Variants in MECOM observed in about 807,000 individuals in gnomAD.
The protein encoded by MECOM is MDS1 and EVI1 complex locus.
Under a neutral mutation model 116.3 loss-of-function variants are expected in MECOM, and 13 were observed. The ratio of observed to expected loss-of-function variants is 0.11; its 90% CI spans 0.07 to 0.18. The LOEUF (loss-of-function observed/expected upper bound fraction) is 0.18, where lower values mean the gene tolerates loss of function less well. Ranked by LOEUF, MECOM falls within the 10% of genes least tolerant of loss-of-function variation. MECOM has a pLI of 1.00. For missense variants in MECOM, 1,299 were observed against 1,509.0 expected, an observed-to-expected ratio of 0.86 and a Z score of 2.31; for synonymous variants, 528 against 535.2, an observed-to-expected ratio of 0.99 and a Z score of 0.19.
chr3:169,284,550 C>CT (rs1033057870), intron 2 of MECOM, among the ~76,000 whole-genome samples: 2 of 151,708 alleles, frequency 1.3e-5, no homozygotes, highest in African/African-American at 4.8e-5. Flanking sequence ...TGCTGACATC[C>CT]TTTTTTTAAA....
intron 10 of MECOM, among the ~76,000 whole-genome samples, chr3:169,103,874 C>T (rs1236540849): frequency 6.6e-6 from 1 of 152,116 alleles, no homozygotes. Context: ...CTAGTTAGTT[C>T]TCTTTTTTCC....
chr3:169,472,447 A>G (rs560511739), intron 1 of MECOM, among the ~76,000 whole-genome samples: 6 of 142,168 alleles, frequency 4.2e-5, no homozygotes, highest in African/African-American at 1.6e-4. Context: ...GAGGAGAGAA[A>G]AGGAAAGGAA....
chr3:169,281,394 G>A (rs1455930907), intron 2 of MECOM, among the ~76,000 whole-genome samples: 3 of 152,172 alleles, frequency 2.0e-5, no homozygotes, highest in Admixed American at 2.0e-4. Flanking sequence ...GTGAGACTGT[G>A]ATAAATTGTG....
chr3:169,267,576 T>G (rs1007895834), intron 2 of MECOM, among the ~76,000 whole-genome samples: 1 of 152,096 alleles, frequency 6.6e-6, no homozygotes, highest in East Asian at 1.9e-4. Context: ...ACCTCACCCC[T>G]GGGATGGAAC....
At chr3:169,594,013 C>G (rs985540981) in intron 1 of MECOM, among the ~76,000 whole-genome samples, 2 of 151,782 alleles carry the variant, frequency 1.3e-5, no homozygotes, top group African/African-American at 2.4e-5. Flanking sequence ...CCCAGCTACT[C>G]AGGAGGCTGA....
intron 1 of MECOM, among the ~76,000 whole-genome samples, chr3:169,539,779 T>C (rs754862633): frequency 9.2e-5 from 14 of 151,486 alleles, no homozygotes; most frequent in Non-Finnish European, 2.1e-4. Flanking sequence ...CTCCTCAGGG[T>C]CCTCATAATA....
intron 2 of MECOM, among the ~76,000 whole-genome samples, chr3:169,235,874 A>C (rs1329275584): frequency 6.6e-6 from 1 of 152,060 alleles, no homozygotes; most frequent in Non-Finnish European, 1.5e-5. Flanking sequence ...TTGCTTAAAA[A>C]AAAAAAAAAA....
chr3:169,539,725 G>T (rs900353486), intron 1 of MECOM, among the ~76,000 whole-genome samples: 1 of 152,046 alleles, frequency 6.6e-6, no homozygotes, highest in African/African-American at 2.4e-5. Flanking sequence ...TTTTAAAAAC[G>T]TATATCAGAC....
intron 1 of MECOM, among the ~76,000 whole-genome samples, chr3:169,662,246 G>A (rs1356514576): frequency 6.6e-6 from 1 of 152,222 alleles, no homozygotes; most frequent in Admixed American, 6.5e-5. Context: ...CAGGCAGGGG[G>A]CGCCGGGGAG....
rs80022520 is a variant in MECOM, at chr3:169,505,578, C to T, written c.38-124054G>A. Among the ~76,000 whole-genome samples the T allele has an allele frequency of 6.3e-3, 962 of 152,152 alleles. 6 individuals are homozygous for T. Among genetic ancestry groups the T allele is most frequent in the African/African-American group, 0.022 (929 of 41,502 alleles). On this transcript the variant is annotated intron_variant, in intron 1 of 16. Transcript: ENST00000651503. ...TTGTGTGTATGCATACGTGCACACA[C>T]ATGGTGAGAACATTTAAGATCTACA...
intron 2 of MECOM, among the ~76,000 whole-genome samples, chr3:169,318,595 G>T (rs1478364032): frequency 6.6e-6 from 1 of 152,084 alleles, no homozygotes. Flanking sequence ...TTAGAATGGC[G>T]ATCATTAAGA....
intron 2 of MECOM, among the ~76,000 whole-genome samples, chr3:169,144,619 A>G (rs1471596709): frequency 6.6e-6 from 1 of 152,174 alleles, no homozygotes; most frequent in Non-Finnish European, 1.5e-5. Context: ...ATTAGTTAGG[A>G]CACACTAAAC....
intron 2 of MECOM, among the ~76,000 whole-genome samples, chr3:169,250,062 C>A (rs369899942): frequency 1.3e-5 from 2 of 152,074 alleles, no homozygotes; most frequent in African/African-American, 2.4e-5. Flanking sequence ...TTGCAGGAGG[C>A]GGGAGTGTTT....
At chr3:169,302,500 T>C (rs961898954) in intron 2 of MECOM, among the ~76,000 whole-genome samples, 12 of 152,206 alleles carry the variant, frequency 7.9e-5, no homozygotes, top group African/African-American at 2.9e-4. Flanking sequence ...CTGGTTAATA[T>C]TGATTGAAAG....
At chr3:169,661,051 A>G (rs1003727617) in intron 1 of MECOM, among the ~76,000 whole-genome samples, 3 of 152,218 alleles carry the variant, frequency 2.0e-5, no homozygotes, top group African/African-American at 7.2e-5. Context: ...TCAGATCGGA[A>G]ACGAGGCTCA....
At chr3:169,399,920 G>T (rs1735607606) in intron 1 of MECOM, among the ~76,000 whole-genome samples, 1 of 152,128 alleles carries the variant, frequency 6.6e-6, no homozygotes, top group Non-Finnish European at 1.5e-5. Context: ...ATCTGATTAT[G>T]AAATTCCAAT....
intron 2 of MECOM, among the ~76,000 whole-genome samples, chr3:169,153,495 CTTT>C (rs1741478574): frequency 6.6e-6 from 1 of 152,118 alleles, no homozygotes; most frequent in Non-Finnish European, 1.5e-5. Flanking sequence ...GTAGTAAGTG[CTTT>C]TGGAAAAAAC....
At chr3:169,652,313 T>C (rs897229688) in intron 1 of MECOM, among the ~76,000 whole-genome samples, 1 of 152,188 alleles carries the variant, frequency 6.6e-6, no homozygotes. Context: ...TTATTATCAT[T>C]TTATCATGAA....
intron 1 of MECOM, among the ~76,000 whole-genome samples, chr3:169,460,442 C>T (rs1747250977): frequency 1.3e-5 from 2 of 152,036 alleles, no homozygotes; most frequent in South Asian, 4.1e-4. Context: ...TGGAAAAGAC[C>T]TTAGAGATCA....
Sources: gnomAD v4.1 joint callset for allele counts (sites outside exome capture counted in the v4.1 genomes callset) on GRCh38, gnomAD v4.1.1 for gene constraint, MANE v1.5 for transcripts, NCBI Gene and HGNC (gene_info 2026-07-23, HGNC 2026-07-21) for gene names.